RAB27B: variants seen among roughly 807,000 people sequenced by gnomAD.
RAB27B encodes the protein ras-related protein Rab-27B.
In RAB27B, 15 loss-of-function variants were observed where a neutral mutation model predicts 24.6. The ratio of observed to expected loss-of-function variants is 0.61; its 90% confidence interval spans 0.41 to 0.94. The LOEUF is 0.94. Ranked by LOEUF, RAB27B falls within the 40% of genes least tolerant of loss-of-function variation. The pLI is 0.00. For synonymous variants in RAB27B, 105 were observed against 92.5 expected (o/e 1.14, Z -0.78); for missense variants, 261 against 266.8 (o/e 0.98, Z 0.15).
intron 1 of RAB27B, among the ~76,000 whole-genome samples, chr18:54,854,691 G>A (rs556242852): frequency 7.6e-4 from 115 of 152,242 alleles, no homozygotes; most frequent in African/African-American, 2.6e-3. Flanking sequence ...CTTACAGAAC[G>A]ATTAATTCAT....
At chr18:54,791,092 A>G (rs937806728) in intron 2 of RAB27B, among the ~76,000 whole-genome samples, 16 of 152,222 alleles carry the variant, frequency 1.1e-4, no homozygotes. Context: ...TGACTAATCC[A>G]AGAAGGTATT....
chr18:54,795,377 G>A (rs188166256), intron 2 of RAB27B, among the ~76,000 whole-genome samples: 3 of 152,316 alleles, frequency 2.0e-5, no homozygotes, highest in Non-Finnish European at 4.4e-5. Flanking sequence ...TCGCCACACA[G>A]AAAGCCAATC....
At chr18:54,848,202 A>G (rs1230590884) in intron 1 of RAB27B, among the ~76,000 whole-genome samples, 1 of 152,228 alleles carries the variant, frequency 6.6e-6, no homozygotes, top group Non-Finnish European at 1.5e-5. Flanking sequence ...TTTAGGCTGA[A>G]CTTAAATATA....
At chr18:54,838,636 A>G (rs1972593) in intron 1 of RAB27B, among the ~76,000 whole-genome samples, 100,408 of 152,010 alleles carry the variant, frequency 0.66, 35,850 homozygotes, top group East Asian at 0.92. Flanking sequence ...GTTCTGAACA[A>G]ATATGTTTTT....
chr18:54,881,036 C>T (rs1912902494), intron 3 of RAB27B, among the ~76,000 whole-genome samples: 2 of 152,190 alleles, frequency 1.3e-5, no homozygotes, highest in Middle Eastern at 3.4e-3. Context: ...AAACACATGG[C>T]CCTTAAGGAA....
intron 2 of RAB27B, among the ~76,000 whole-genome samples, chr18:54,802,076 A>T (rs1339417885): frequency 5.9e-5 from 9 of 152,192 alleles, no homozygotes; most frequent in African/African-American, 1.7e-4. Flanking sequence ...TAAGCTACAA[A>T]ACCTTCATTT....
chr18:54,800,644 C>T (rs1909572066), intron 2 of RAB27B, among the ~76,000 whole-genome samples: 1 of 152,030 alleles, frequency 6.6e-6, no homozygotes, highest in Non-Finnish European at 1.5e-5. Context: ...CTTGCAGTAC[C>T]TATTTGAAAT....
At chr18:54,756,231 CT>C (rs1002087147) in intron 2 of RAB27B, among the ~76,000 whole-genome samples, 6 of 152,302 alleles carry the variant, frequency 3.9e-5, no homozygotes, top group African/African-American at 1.4e-4. Context: ...AAAAGTTTGC[CT>C]GTTCTGTACC....
chr18:54,824,538 C>A (rs555036676), upstream of RAB27B, among the ~76,000 whole-genome samples: 3 of 152,278 alleles, frequency 2.0e-5, no homozygotes, highest in East Asian at 5.8e-4. Flanking sequence ...GCTTAGAGCT[C>A]TTCGTTGGTT....
At chr18:54,727,301 A>G (rs942274407) in intron 2 of RAB27B, among the ~76,000 whole-genome samples, 7 of 152,136 alleles carry the variant, frequency 4.6e-5, no homozygotes, top group Non-Finnish European at 8.8e-5. Context: ...TATATTTTAA[A>G]TCTGAATGTG....
chr18:54,851,263 C>T (rs1013620181), intron 1 of RAB27B, among the ~76,000 whole-genome samples: 1 of 152,004 alleles, frequency 6.6e-6, no homozygotes, highest in Non-Finnish European at 1.5e-5. Context: ...TTAGAAATTG[C>T]TTATTTTTCA....
At chr18:54,743,103 T>C (rs1192448589) in intron 2 of RAB27B, among the ~76,000 whole-genome samples, 2 of 152,216 alleles carry the variant, frequency 1.3e-5, no homozygotes, top group Non-Finnish European at 2.9e-5. Flanking sequence ...CCCACTCTTA[T>C]TGCCTAAGCC....
chr18:54,777,162 C>T (rs2145082502), intron 2 of RAB27B, among the ~76,000 whole-genome samples: 1 of 152,278 alleles, frequency 6.6e-6, no homozygotes, highest in East Asian at 1.9e-4. Context: ...GAGAAATCCT[C>T]AAATTTACAA....
intron 2 of RAB27B, among the ~76,000 whole-genome samples, chr18:54,780,066 C>T (rs1359387836): frequency 2.1e-5 from 3 of 142,510 alleles, no homozygotes; most frequent in Admixed American, 1.4e-4. Context: ...CTGACAGCTT[C>T]TCCCTCACCG....
chr18:54,723,862 A>G (rs1463805482), intron 2 of RAB27B, among the ~76,000 whole-genome samples: 2 of 152,192 alleles, frequency 1.3e-5, no homozygotes, highest in East Asian at 3.8e-4. Context: ...CAGTGTCACT[A>G]CGAATTAATC....
intron 2 of RAB27B, among the ~76,000 whole-genome samples, chr18:54,811,165 G>C (rs1280510545): frequency 6.6e-6 from 1 of 151,956 alleles, no homozygotes; most frequent in Non-Finnish European, 1.5e-5. Context: ...TAAAGTTTTA[G>C]AGGGGGGAAG....
At chr18:54,788,110 CA>C (rs1239531173) in intron 2 of RAB27B, among the ~76,000 whole-genome samples, 1 of 152,006 alleles carries the variant, frequency 6.6e-6, no homozygotes, top group African/African-American at 2.4e-5. Flanking sequence ...CAAGGCCAGA[CA>C]AAAAATAGAG....
At chr18:54,737,983 A>G (rs76992659) in intron 2 of RAB27B, among the ~76,000 whole-genome samples, 5,009 of 152,204 alleles carry the variant, frequency 0.033, 274 homozygotes, top group African/African-American at 0.11. Context: ...TTAAAAATGT[A>G]ATGGTCAATG....
chr18:54,827,488 C>T (rs1173047998), upstream of RAB27B, among the ~76,000 whole-genome samples: 1 of 152,134 alleles, frequency 6.6e-6, no homozygotes, highest in African/African-American at 2.4e-5. Flanking sequence ...TTCCATTTTT[C>T]CACTAGTTTG....
Sources: gnomAD v4.1 joint callset for allele counts (sites outside exome capture counted in the v4.1 genomes callset) on GRCh38, gnomAD v4.1.1 for gene constraint, MANE v1.5 for transcripts, NCBI Gene and HGNC (gene_info 2026-07-23, HGNC 2026-07-21) for gene names.